POLR2B: variants seen among roughly 807,000 people sequenced by gnomAD.
POLR2B encodes DNA-directed RNA polymerase II subunit RPB2.
Under a neutral mutation model 144.6 loss-of-function variants are expected in POLR2B, and 57 were observed. The ratio of observed to expected loss-of-function variants is 0.39; its 90% CI spans 0.32 to 0.49. The LOEUF is 0.49. POLR2B is among the 20% of genes least tolerant of loss of function. The probability of loss-of-function intolerance (pLI) is 0.83; values close to 1 mark genes in which losing one functional copy is unlikely to be tolerated. For synonymous variants in POLR2B, 442 were observed against 469.8 expected (o/e 0.94, Z 0.77); for missense variants, 595 against 1,467.4 (o/e 0.41, Z 9.71).
At position 56,986,390 on chromosome 4, in the gene POLR2B, C is replaced by G; in HGVS notation, c.56C>G (p.Pro19Arg). ...QYDEDDDEIT[P>R]DLWQEACWIV... is the part of the protein sequence containing the mutation. ...GATGAGGATGATGATGAAATCACCC[C>G]GGATTTGTGGCAAGAAGCATGCTGG... is the stretch of plus-strand genomic sequence containing the variant. Residue 19 changes from proline (P) to arginine (R), a missense_variant, in exon 2 of 25, where the codon CCG becomes CGG. Transcript: ENST00000314595. 1 of 1,612,744 alleles carries G rather than the reference C, an allele frequency of 6.2e-7. No individual in the cohort carries two copies. Among genetic ancestry groups the G allele is most frequent in the Non-Finnish European group, 8.5e-7 (1 of 1,178,910 alleles).
intron 6 of POLR2B, among the ~76,000 whole-genome samples, chr4:56,995,638 C>G (rs1463827809): frequency 2.6e-5 from 4 of 152,194 alleles, no homozygotes; most frequent in Non-Finnish European, 4.4e-5. Context: ...TTTGGCCAAG[C>G]AACTCTCACA....
chr4:56,999,212 CTTTTT>C (rs34081589), intron 6 of POLR2B, among the ~76,000 whole-genome samples: 3 of 124,776 alleles, frequency 2.4e-5, no homozygotes, highest in Non-Finnish European at 3.3e-5. Context: ...TGTATTGTCT[CTTTTT>C]TTTTTTTTTT....
chr4:57,015,246 G>T (rs547657085), intron 13 of POLR2B, among the ~76,000 whole-genome samples: 1 of 152,122 alleles, frequency 6.6e-6, no homozygotes, highest in Admixed American at 6.5e-5. Context: ...TATTTCCTAC[G>T]TTAACTTGCA....
intron 23 of POLR2B, among the ~76,000 whole-genome samples, chr4:57,027,821 C>G (rs1045800455): frequency 6.6e-6 from 1 of 152,040 alleles, no homozygotes; most frequent in Non-Finnish European, 1.5e-5. Flanking sequence ...TGCTGAGTTA[C>G]GTAGATTTTC....
intron 7 of POLR2B, among the ~76,000 whole-genome samples, chr4:57,003,302 C>T (rs996722805): frequency 2.0e-5 from 3 of 152,040 alleles, no homozygotes; most frequent in Admixed American, 6.6e-5. Flanking sequence ...TGGTGGTGTG[C>T]GCCTGTTGTC....
In POLR2B at chr4:57,017,540, C is replaced by T; in HGVS notation, c.2155-20C>T. ...TGATAGTAACTTTTTGTTGTTTCTG[C>T]TTTTCATTTTTACGTTTAGTCCCCT... is the stretch of plus-strand genomic sequence containing the variant. On this transcript the variant is annotated intron_variant, in intron 15 of 24. Transcript: ENST00000314595. The surrounding 1 kb of genome is among the most constrained non-coding windows in gnomAD (Gnocchi z 4.8). The T allele has an allele frequency of 6.4e-7, 1 of 1,556,764 alleles. No individual in the cohort carries two copies. Among genetic ancestry groups the T allele is most frequent in the Non-Finnish European group, 8.7e-7 (1 of 1,153,986 alleles).
intron 6 of POLR2B, 134 bp from the exon 7 acceptor site, chr4:56,999,483 C>A: frequency 2.0e-6 from 1 of 498,472 alleles, no homozygotes; most frequent in Non-Finnish European, 3.4e-6. Context: ...TAGGAGGTTC[C>A]TCACAGTATT....
At chr4:57,004,962 G>A (rs1200573326) in intron 7 of POLR2B, among the ~76,000 whole-genome samples, 1 of 152,174 alleles carries the variant, frequency 6.6e-6, no homozygotes, top group South Asian at 2.1e-4. Context: ...TGGGATTACA[G>A]GCATGAGCCA....
intron 8 of POLR2B, 79 bp downstream of exon 8, chr4:57,005,521 G>T: frequency 2.7e-6 from 4 of 1,489,894 alleles, no homozygotes; most frequent in Middle Eastern, 1.8e-4. Context: ...CAAAAATGAT[G>T]TTTTTAACAT....
chr4:56,993,145 A>G (rs897535873), intron 3 of POLR2B, among the ~76,000 whole-genome samples: 3 of 151,832 alleles, frequency 2.0e-5, no homozygotes, highest in Non-Finnish European at 4.4e-5. Flanking sequence ...CTCTACCAAA[A>G]AATACAAAAA....
At chr4:56,981,339 C>G (rs927031327) in intron 1 of POLR2B, among the ~76,000 whole-genome samples, 1 of 150,532 alleles carries the variant, frequency 6.6e-6, no homozygotes, top group Non-Finnish European at 1.5e-5. Context: ...CGGTTTATTT[C>G]TAGTCATTTT....
intron 7 of POLR2B, among the ~76,000 whole-genome samples, chr4:57,000,705 T>C (rs927494632): frequency 2.0e-5 from 3 of 149,956 alleles, no homozygotes; most frequent in African/African-American, 7.5e-5. Flanking sequence ...ACTGTTTTTT[T>C]TGGGGGGGAG....
chr4:57,016,321 A>C (rs1048609728), intron 14 of POLR2B, among the ~76,000 whole-genome samples: 1 of 151,452 alleles, frequency 6.6e-6, no homozygotes, highest in Non-Finnish European at 1.5e-5. Flanking sequence ...TCAAGGTGGG[A>C]GGATTGCTTG....
chr4:57,030,477 G>A (rs1723881238), intron 24 of POLR2B, 78 bp downstream of exon 24: 2 of 1,035,910 alleles, frequency 1.9e-6, no homozygotes, highest in Non-Finnish European at 1.4e-6. Flanking sequence ...CAGAATTAGT[G>A]TGGCAGAACA....
chr4:56,993,773 T>G (rs781153629), intron 3 of POLR2B, among the ~76,000 whole-genome samples: 6 of 152,238 alleles, frequency 3.9e-5, no homozygotes, highest in Non-Finnish European at 5.9e-5. Flanking sequence ...TTTCTTTTGT[T>G]AACTCTACTC....
intron 3 of POLR2B, among the ~76,000 whole-genome samples, chr4:56,992,595 T>A (rs1483387746): frequency 4.0e-4 from 53 of 132,526 alleles, no homozygotes; most frequent in South Asian, 2.0e-3. Context: ...AGTCTCGCCC[T>A]GTTGGCCAGG....
intron 10 of POLR2B, among the ~76,000 whole-genome samples, chr4:57,008,424 G>A (rs1044419813): frequency 5.9e-5 from 9 of 152,086 alleles, no homozygotes; most frequent in African/African-American, 1.7e-4. Flanking sequence ...GGATGGTCTC[G>A]ATCTCCTGAC....
At chr4:57,018,787 C>G (rs773595774) in intron 16 of POLR2B, among the ~76,000 whole-genome samples, 3 of 152,040 alleles carry the variant, frequency 2.0e-5, no homozygotes, top group Admixed American at 6.6e-5. Context: ...TTTTAGACAC[C>G]AGGAAGAGAA....
chr4:56,991,601 C>T (rs920497863), intron 3 of POLR2B, among the ~76,000 whole-genome samples: 2 of 152,016 alleles, frequency 1.3e-5, no homozygotes, highest in African/African-American at 2.4e-5. Context: ...TTCATTGTTT[C>T]TAGCCTGATC....
Sources: gnomAD v4.1 joint callset for allele counts (sites outside exome capture counted in the v4.1 genomes callset) on GRCh38, gnomAD v4.1.1 for gene constraint, Gnocchi (gnomAD v3.1) non-coding constraint, MANE v1.5 for transcripts, NCBI Gene and HGNC (gene_info 2026-07-23, HGNC 2026-07-21) for gene names.